The following SEMA4D variants were observed in gnomAD, a reference collection of about 807,000 sequenced individuals.
The protein encoded by SEMA4D is semaphorin-4D.
Under a neutral mutation model 74.8 loss-of-function variants are expected in SEMA4D, and 22 were observed. That is an observed-to-expected ratio of 0.29 (90% confidence interval 0.21 to 0.42). The LOEUF is 0.42. Among genes scored for constraint, SEMA4D ranks in the 10% least tolerant of loss-of-function variants. The pLI is 1.00. For missense variants in SEMA4D, 937 were observed against 1,118.4 expected, an observed-to-expected ratio of 0.84 and a Z score of 2.31; for synonymous variants, 445 against 463.7, an observed-to-expected ratio of 0.96 and a Z score of 0.52.
chr9:89,431,914 G>A (rs1236880693), intron 2 of SEMA4D, among the ~76,000 whole-genome samples: 1 of 152,152 alleles, frequency 6.6e-6, no homozygotes, highest in African/African-American at 2.4e-5. Flanking sequence ...GCCAGACTGG[G>A]ATCCATACAG....
chr9:89,393,888 T>C (rs369188438), intron 6 of SEMA4D, among the ~76,000 whole-genome samples: 1 of 152,336 alleles, frequency 6.6e-6, no homozygotes, highest in African/African-American at 2.4e-5. Context: ...TGGCCAAGCT[T>C]CTCAAGATCT....
chr9:89,461,581 A>G (rs1202260892), intron 1 of SEMA4D, among the ~76,000 whole-genome samples: 6 of 151,498 alleles, frequency 4.0e-5, no homozygotes, highest in East Asian at 1.9e-4. Flanking sequence ...ACCTCCAAAC[A>G]TTTTTCTCCT....
chr9:89,384,876 AC>A (rs1199379048), intron 13 of SEMA4D: 1 of 984,792 alleles, frequency 1.0e-6, no homozygotes, highest in Non-Finnish European at 1.2e-6. Context: ...TGGGCCTTCC[AC>A]CCCCACCTGG....
chr9:89,377,705 G>GC lies in SEMA4D; in HGVS notation c.*998dup, dbSNP rs34082052. The GC allele has an allele frequency of 6.6e-6, 1 of 152,122 alleles. No individual in the cohort carries two copies. The highest frequency in any genetic ancestry group is 1.5e-5 in the Non-Finnish European group (1 of 68,048). The allele number at this position is 152,122 out of a possible 1,614,324, so 9.4% of individuals were successfully genotyped here. A position where few individuals can be genotyped will look rare whatever the true frequency, so the allele number is the denominator to read the frequency against. On this transcript the variant is annotated 3_prime_UTR_variant, in exon 16 of 16. Coordinates refer to ENST00000422704, the MANE Select transcript of SEMA4D (RefSeq NM_001371194.2). Reference sequence around the variant, plus strand: ...AGGAGATGTTCAGAGAACCAAAGGCGCCCTTGTGAAGGTTCCATCTGTCTC... The same window carrying GC: ...AGGAGATGTTCAGAGAACCAAAGGCGCCCCTTGTGAAGGTTCCATCTGTCTC...
At chr9:89,380,937 G>T in intron 15 of SEMA4D, 118 bp downstream of exon 15, 1 of 1,250,272 alleles carries the variant, frequency 8.0e-7, no homozygotes, top group Non-Finnish European at 1.2e-6. Flanking sequence ...CTTGACCTCT[G>T]TTCCGAGTGG....
intron 1 of SEMA4D, among the ~76,000 whole-genome samples, chr9:89,488,620 A>G (rs11265918): frequency 0.42 from 63,878 of 151,810 alleles, 13,790 homozygotes; most frequent in East Asian, 0.7. Context: ...TGTTCCACTC[A>G]CCTCAGCCTC....
Position 89,443,353 on chromosome 9 carries a change from G to T in SEMA4D, c.-244+12535C>A, listed in dbSNP as rs571700045. Among the ~76,000 whole-genome samples, 3 of 152,320 alleles carry T rather than the reference G, an allele frequency of 2.0e-5. No individual in the cohort carries two copies. In the South Asian group the frequency reaches 6.2e-4, roughly 32 times the overall value. On this transcript the variant is annotated intron_variant, in intron 2 of 15. Coordinates refer to ENST00000422704, the MANE Select transcript of SEMA4D (RefSeq NM_001371194.2). ...AACAGGGCCACCAGGATGCCCATGG[G>T]CCCAGTCTCCAGCCACCTTCCCACG...
At chr9:89,485,127 G>A (rs1170806548) in intron 1 of SEMA4D, among the ~76,000 whole-genome samples, 2 of 152,136 alleles carry the variant, frequency 1.3e-5, no homozygotes, top group South Asian at 4.1e-4. Context: ...AAAACAGAAG[G>A]CACGTCATCA....
intron 1 of SEMA4D, among the ~76,000 whole-genome samples, chr9:89,473,288 G>A (rs1055709195): frequency 2.0e-5 from 3 of 152,162 alleles, no homozygotes; most frequent in Non-Finnish European, 2.9e-5. Flanking sequence ...TTAAAAAGGA[G>A]CAAAGGCTGG....
intron 2 of SEMA4D, among the ~76,000 whole-genome samples, chr9:89,443,393 T>C (rs577823212): frequency 6.6e-6 from 1 of 152,298 alleles, no homozygotes; most frequent in East Asian, 1.9e-4. Context: ...CTGGCTGCCC[T>C]GTCCACCTTC....
intron 1 of SEMA4D, among the ~76,000 whole-genome samples, chr9:89,473,312 C>T (rs546756487): frequency 6.6e-6 from 1 of 152,256 alleles, no homozygotes; most frequent in African/African-American, 2.4e-5. Context: ...CAGGGTCTGA[C>T]GCCTGTAATC....
In SEMA4D at chr9:89,381,374, G is replaced by C; in HGVS notation, c.1447-28C>G. 6.9e-7 allele frequency: 1 copy of C among 1,451,342 alleles called. No individual in the cohort carries two copies. Among genetic ancestry groups the C allele is most frequent in the Non-Finnish European group, 9.1e-7 (1 of 1,098,146 alleles). The allele number at this position is 1,451,342 out of a possible 1,614,324, so 89.9% of individuals were successfully genotyped here. ...GCGTGTATGAGACAGAGAAGAACTA[G>C]CATCAGGCAAGCAGGCATCCAGGAG... On this transcript the variant is annotated intron_variant, in intron 13 of 15. Transcript: ENST00000422704. The surrounding 1 kb of genome is among the most constrained non-coding windows in gnomAD (Gnocchi z 4.6).
intron 2 of SEMA4D, among the ~76,000 whole-genome samples, chr9:89,429,909 T>C (rs907256222): frequency 6.6e-6 from 1 of 152,104 alleles, no homozygotes; most frequent in African/African-American, 2.4e-5. Context: ...GGTTTCTGTT[T>C]GGGGTCAAGC....
chr9:89,400,690 A>G (rs558391900), intron 4 of SEMA4D, among the ~76,000 whole-genome samples: 2 of 152,372 alleles, frequency 1.3e-5, no homozygotes, highest in Admixed American at 6.5e-5. Context: ...GTCAACTCGC[A>G]TGAAATGCAT....
chr9:89,398,927 G>C (rs4242600), intron 5 of SEMA4D, among the ~76,000 whole-genome samples: 2 of 152,270 alleles, frequency 1.3e-5, no homozygotes, highest in Non-Finnish European at 2.9e-5. Flanking sequence ...GGTGCAAGGA[G>C]GCAGAACAAA....
chr9:89,418,454 T>C (rs1846172318), intron 2 of SEMA4D: 1 of 982,542 alleles, frequency 1.0e-6, no homozygotes, highest in African/African-American at 1.7e-5. Context: ...ACCAAAAAAG[T>C]ACTATCTAAT....
Position 89,484,251 on chromosome 9 carries a change from T to C in SEMA4D, c.-310+13668A>G, listed in dbSNP as rs753086958. Among the ~76,000 whole-genome samples the C allele has an allele frequency of 1.3e-5, 2 of 152,234 alleles. No homozygotes were observed. Among genetic ancestry groups the C allele is most frequent in the Non-Finnish European group, 2.9e-5 (2 of 68,042 alleles). ...CATGCCCTTTAGGAGCAGAACAAGC[T>C]GCAAAACACCCACCTGCTCTGGGAA... On this transcript the variant is annotated intron_variant, in intron 1 of 15. Coordinates refer to ENST00000422704, the MANE Select transcript of SEMA4D (RefSeq NM_001371194.2). This position sits in a 1 kb window ranked among gnomAD's most constrained non-coding sequence, Gnocchi z 4.1.
At position 89,363,398 on chromosome 9, in the gene SEMA4D, C is replaced by T. The variant is rs1833062338; in HGVS notation, c.2190+32G>A. 1.9e-6 allele frequency: 3 copies of T among 1,606,786 alleles called. No individual in the cohort carries two copies. The Admixed American group carries it at 5.0e-5, about 27-fold the overall frequency. On this transcript the variant is annotated intron_variant, in intron 18 of 18. Coordinates refer to the SEMA4D transcript ENST00000339861. ...CAGGTGCCCTGCCCCTGGCTCCAGC[C>T]CTCCTTTCTTTGCCCGGCTGCGGCC...
At chr9:89,398,281 G>C (rs1841441939) in intron 5 of SEMA4D, among the ~76,000 whole-genome samples, 1 of 152,168 alleles carries the variant, frequency 6.6e-6, no homozygotes, top group African/African-American at 2.4e-5. Context: ...TGCTGGACTA[G>C]AGAGAGGTGA....
Sources: gnomAD v4.1 joint callset for allele counts (sites outside exome capture counted in the v4.1 genomes callset) on GRCh38, gnomAD v4.1.1 for gene constraint, Gnocchi (gnomAD v3.1) non-coding constraint, MANE v1.5 for transcripts, NCBI Gene and HGNC (gene_info 2026-07-23, HGNC 2026-07-21) for gene names.